The following TRIO variants were observed in gnomAD, a reference collection of about 807,000 sequenced individuals.
TRIO encodes the protein trio Rho guanine nucleotide exchange factor.
In TRIO, 58 loss-of-function variants were observed where a neutral mutation model predicts 351.9. The observed-to-expected ratio is 0.16, with a 90% CI of 0.13 to 0.21. TRIO has a LOEUF of 0.21. TRIO is among the 10% of genes least tolerant of loss of function. TRIO has a pLI of 1.00. For synonymous variants in TRIO, 1,758 were observed against 1,595.7 expected (o/e 1.10, Z -2.42); for missense variants, 3,201 against 4,027.8 (o/e 0.79, Z 5.56).
At chr5:14,420,129 C>T (rs1749993797) in intron 34 of TRIO, 108 bp downstream of exon 34, 5 of 1,499,260 alleles carry the variant, frequency 3.3e-6, no homozygotes, top group Non-Finnish European at 4.5e-6. Context: ...TCCTTGTCAG[C>T]TGTGCCTTCA....
chr5:14,338,241 T>C (rs549364067), intron 11 of TRIO, among the ~76,000 whole-genome samples: 4 of 152,302 alleles, frequency 2.6e-5, no homozygotes, highest in Middle Eastern at 3.4e-3. Context: ...GCCGTACCCC[T>C]GCTTTTAAAC....
chr5:14,390,980 C>T lies in TRIO; in HGVS notation c.4208C>T (p.Ser1403Phe), dbSNP rs775917864. 1.2e-6 allele frequency: 2 copies of T among 1,605,218 alleles called. No homozygotes were observed. Reference sequence around the variant, plus strand: ...CAGCTGATATTGGAACATGCAGGGTCCTATTTTGACGTAAGTAATAGATTC... The same window carrying T: ...CAGCTGATATTGGAACATGCAGGGTTCTATTTTGACGTAAGTAATAGATTC... Reference protein sequence around the residue: ...STQLILEHAGSYFDEIQQRHG... With the variant: ...STQLILEHAGFYFDEIQQRHG... The change falls in exon 27 of 57, where the codon TCC becomes TTC. Residue 1403 changes from serine to phenylalanine, a missense_variant. Transcript: ENST00000344204.
intron 18 of TRIO, among the ~76,000 whole-genome samples, chr5:14,372,839 G>A (rs571426188): frequency 3.9e-5 from 6 of 152,260 alleles, no homozygotes; most frequent in Non-Finnish European, 5.9e-5. Flanking sequence ...AGTCTTCAGC[G>A]TCTTCCTTGT....
In TRIO at chr5:14,359,405, C is replaced by A; in HGVS notation, c.2265C>A (p.Asn755Lys). 1 of 1,614,256 alleles carries A rather than the reference C, an allele frequency of 6.2e-7. No homozygotes were observed. Among genetic ancestry groups the A allele is most frequent in the Non-Finnish European group, 8.5e-7 (1 of 1,180,038 alleles). ...SNKTPHNSSI[N>K]HIETVLQQLD... The stretch of plus-strand genomic sequence containing the variant: ...AGACCCCCCACAACAGCTCCATCAA[C>A]CACATTGAGACGGTGCTGCAGCAGC... Residue 755 changes from asparagine to lysine, a missense_variant, in exon 13 of 57, where the codon AAC becomes AAA. Asn to Lys is a moderately conservative substitution (Grantham distance 94). Around this residue, in one of 19 missense-constraint regions of TRIO, gnomAD observed 363 missense variants for 553.5 expected, o/e 0.66. Coordinates refer to ENST00000344204, the MANE Select transcript of TRIO (RefSeq NM_007118.4).
At chr5:14,503,925 C>T (rs1221988836) in intron 54 of TRIO, among the ~76,000 whole-genome samples, 2 of 152,248 alleles carry the variant, frequency 1.3e-5, no homozygotes, top group Admixed American at 1.3e-4. Flanking sequence ...GGGGCAGCTC[C>T]AGGGTCCTCG....
At chr5:14,332,633 G>A (rs1379966704) in intron 10 of TRIO, among the ~76,000 whole-genome samples, 1 of 152,116 alleles carries the variant, frequency 6.6e-6, no homozygotes, top group African/African-American at 2.4e-5. Flanking sequence ...ATTTTCTTTA[G>A]ACTGGCACGT....
chr5:14,211,590 G>GTTTT lies in TRIO; in HGVS notation c.158-59220_158-59217dup, dbSNP rs33992664. On this transcript the variant is annotated intron_variant, in intron 1 of 56. Transcript: ENST00000344204. ...AGAGCTTTCCTGAGCACACTCAGTT[G>GTTTT]TTTTTTTTTTTTTTTTTTGTAAATT... Among the ~76,000 whole-genome samples, 1,083 of 119,988 alleles carry GTTTT rather than the reference G, an allele frequency of 9.0e-3. 35 individuals carry two copies. Among genetic ancestry groups the GTTTT allele is most frequent in the African/African-American group, 0.032 (1,003 of 31,396 alleles). The allele number at this position is 119,988 out of a possible 152,430, so 78.7% of individuals were successfully genotyped here.
At chr5:14,232,810 C>T (rs1476099984) in intron 1 of TRIO, among the ~76,000 whole-genome samples, 1 of 152,108 alleles carries the variant, frequency 6.6e-6, no homozygotes, top group Non-Finnish European at 1.5e-5. Flanking sequence ...ATGATATTGG[C>T]ATTTTAAAAA....
chr5:14,300,042 T>C (rs2152292760), intron 7 of TRIO, among the ~76,000 whole-genome samples: 1 of 152,342 alleles, frequency 6.6e-6, no homozygotes, highest in South Asian at 2.1e-4. Context: ...TTTTGTGTCA[T>C]CTCCAGTGAA....
chr5:14,498,908 G>C, intron 53 of TRIO: 1 of 368,112 alleles, frequency 2.7e-6, no homozygotes, highest in Non-Finnish European at 5.0e-6. Context: ...CCTGGTGAAG[G>C]CCTCTGGCTG....
At chr5:14,188,386 A>G (rs1173569364) in intron 1 of TRIO, among the ~76,000 whole-genome samples, 5 of 151,094 alleles carry the variant, frequency 3.3e-5, no homozygotes, top group Non-Finnish European at 5.9e-5. Flanking sequence ...CAAAGTACAG[A>G]GTTAGTTAAG....
intron 34 of TRIO, among the ~76,000 whole-genome samples, chr5:14,449,005 A>G (rs1236879582): frequency 1.3e-5 from 2 of 152,234 alleles, no homozygotes; most frequent in African/African-American, 4.8e-5. Context: ...CAAGACAGCA[A>G]TATGGCCTAG....
intron 47 of TRIO, among the ~76,000 whole-genome samples, chr5:14,486,926 T>C (rs1755957942): frequency 6.6e-6 from 1 of 152,166 alleles, no homozygotes; most frequent in Non-Finnish European, 1.5e-5. Context: ...CATGTTTCCA[T>C]ACATGTTATT....
At chr5:14,227,122 A>G (rs1430795843) in intron 1 of TRIO, among the ~76,000 whole-genome samples, 2 of 152,172 alleles carry the variant, frequency 1.3e-5, no homozygotes, top group Non-Finnish European at 2.9e-5. Context: ...TTAACAACTC[A>G]GTTTGTCAGC....
intron 11 of TRIO, among the ~76,000 whole-genome samples, chr5:14,347,936 T>C (rs1742584194): frequency 6.6e-6 from 1 of 152,240 alleles, no homozygotes; most frequent in South Asian, 2.1e-4. Context: ...GTGTTTTGAA[T>C]CAGTACAGAG....
At chr5:14,489,271 A>G (rs1416980142) in intron 48 of TRIO, 1 of 462,274 alleles carries the variant, frequency 2.2e-6, no homozygotes, top group Non-Finnish European at 3.9e-6. Flanking sequence ...TTTGTTATGT[A>G]TTTTGTTAAA....
chr5:14,287,342 G>C (rs1736538211), intron 4 of TRIO, among the ~76,000 whole-genome samples: 1 of 152,184 alleles, frequency 6.6e-6, no homozygotes, highest in Non-Finnish European at 1.5e-5. Flanking sequence ...CTTGCTGGCT[G>C]CCTTATATTT....
chr5:14,342,945 C>CT (rs2152324685), intron 11 of TRIO, among the ~76,000 whole-genome samples: 1 of 152,246 alleles, frequency 6.6e-6, no homozygotes, highest in South Asian at 2.1e-4. Context: ...ATAAGTCCAT[C>CT]GTCAAGTTGA....
intron 9 of TRIO, among the ~76,000 whole-genome samples, chr5:14,325,950 G>A (rs1740346892): frequency 6.6e-6 from 1 of 152,174 alleles, no homozygotes; most frequent in Non-Finnish European, 1.5e-5. Context: ...TTTCCTAAGA[G>A]GTTACTTACC....
Sources: allele counts gnomAD v4.1 joint callset (sites outside exome capture counted in the v4.1 genomes callset), GRCh38; gene constraint gnomAD v4.1.1; regional missense constraint gnomAD v4.1.1; transcripts MANE v1.5; gene names NCBI Gene and HGNC (gene_info 2026-07-23, HGNC 2026-07-21).